The following KCNC2 variants were observed in gnomAD, a reference collection of about 807,000 sequenced individuals.
KCNC2 encodes voltage-gated potassium channel KCNC2.
In KCNC2, 21 loss-of-function variants were observed where a neutral mutation model predicts 44.5. That is an observed-to-expected ratio of 0.47 (90% CI 0.33 to 0.68). The LOEUF (loss-of-function observed/expected upper bound fraction) is 0.68, where lower values mean the gene tolerates loss of function less well. Among genes scored for constraint, KCNC2 ranks in the 30% least tolerant of loss-of-function variants. KCNC2 has a pLI of 0.01. For missense variants in KCNC2, 589 were observed against 826.2 expected, an observed-to-expected ratio of 0.71 and a Z score of 3.52; for synonymous variants, 391 against 339.1, an observed-to-expected ratio of 1.15 and a Z score of -1.68.
At chr12:75,144,358 G>C (rs1409242869) in intron 2 of KCNC2, among the ~76,000 whole-genome samples, 4 of 152,168 alleles carry the variant, frequency 2.6e-5, no homozygotes, top group African/African-American at 9.6e-5. Flanking sequence ...CAGTGAATTA[G>C]TAGAGTGTTG....
chr12:75,085,528 G>A (rs1884924590), intron 2 of KCNC2, among the ~76,000 whole-genome samples: 1 of 152,010 alleles, frequency 6.6e-6, no homozygotes, highest in Non-Finnish European at 1.5e-5. Flanking sequence ...CATCACTTAA[G>A]TCTCCTACAA....
intron 2 of KCNC2, among the ~76,000 whole-genome samples, chr12:75,113,371 A>G (rs189805526): frequency 1.1e-4 from 16 of 152,322 alleles, no homozygotes; most frequent in South Asian, 4.1e-4. Context: ...ATTCACATAT[A>G]TCAGTCATTT....
intron 2 of KCNC2, among the ~76,000 whole-genome samples, chr12:75,185,858 C>T (rs1227463938): frequency 2.6e-5 from 4 of 151,874 alleles, no homozygotes; most frequent in African/African-American, 9.7e-5. Context: ...CTAGCCTGGT[C>T]AACATGGTGA....
chr12:75,140,712 A>G (rs1235169740), intron 2 of KCNC2, among the ~76,000 whole-genome samples: 1 of 152,064 alleles, frequency 6.6e-6, no homozygotes. Flanking sequence ...AAAAAAGAAA[A>G]AAAAAGTGAA....
intron 2 of KCNC2, among the ~76,000 whole-genome samples, chr12:75,123,265 A>G (rs966217044): frequency 5.3e-5 from 8 of 152,194 alleles, no homozygotes; most frequent in African/African-American, 1.7e-4. Flanking sequence ...AGACTCAGCT[A>G]GTTTAATTGG....
At chr12:75,098,253 T>C (rs1345005734) in intron 2 of KCNC2, among the ~76,000 whole-genome samples, 1 of 152,184 alleles carries the variant, frequency 6.6e-6, no homozygotes, top group Non-Finnish European at 1.5e-5. Context: ...ACAAGAAGCA[T>C]GAACAGCCCT....
chr12:75,126,668 G>A (rs2137315227), intron 2 of KCNC2, among the ~76,000 whole-genome samples: 1 of 152,234 alleles, frequency 6.6e-6, no homozygotes, highest in South Asian at 2.1e-4. Context: ...CTGGCACAAA[G>A]ATGAGTCTGA....
chr12:75,153,789 A>G (rs1158789323), intron 2 of KCNC2, among the ~76,000 whole-genome samples: 2 of 151,938 alleles, frequency 1.3e-5, no homozygotes, highest in Non-Finnish European at 2.9e-5. Context: ...AAAAACGTGA[A>G]GGAGAGAAAA....
intron 2 of KCNC2, among the ~76,000 whole-genome samples, chr12:75,080,283 A>G (rs545661959): frequency 9.9e-4 from 30 of 30,414 alleles, no homozygotes; most frequent in African/African-American, 3.0e-3. Context: ...CTCTCTTTGT[A>G]GCATTTTTAC....
intron 2 of KCNC2, among the ~76,000 whole-genome samples, chr12:75,157,386 T>C (rs1890834358): frequency 6.6e-6 from 1 of 151,876 alleles, no homozygotes; most frequent in African/African-American, 2.4e-5. Flanking sequence ...TTGACATCCT[T>C]GAGCTGCTGA....
chr12:75,083,047 T>C (rs984269612), intron 2 of KCNC2, among the ~76,000 whole-genome samples: 1 of 151,644 alleles, frequency 6.6e-6, no homozygotes, highest in Non-Finnish European at 1.5e-5. Context: ...GATATAAATA[T>C]GAATATATAT....
At chr12:75,175,319 G>C (rs1410116194) in intron 2 of KCNC2, among the ~76,000 whole-genome samples, 1 of 151,962 alleles carries the variant, frequency 6.6e-6, no homozygotes, top group Non-Finnish European at 1.5e-5. Context: ...GTAGAAAGTG[G>C]TTAAATGTGT....
intron 2 of KCNC2, among the ~76,000 whole-genome samples, chr12:75,184,113 A>G (rs1261367729): frequency 1.3e-5 from 2 of 152,002 alleles, no homozygotes; most frequent in Admixed American, 1.3e-4. Flanking sequence ...TTCTCTTTCC[A>G]TGTCTCCTGT....
intron 2 of KCNC2, among the ~76,000 whole-genome samples, chr12:75,053,152 A>C (rs139786998): frequency 6.6e-6 from 1 of 152,242 alleles, no homozygotes; most frequent in Non-Finnish European, 1.5e-5. Context: ...CTATTCATAA[A>C]TTACTTCTTA....
chr12:75,124,597 G>C (rs2137303302), intron 2 of KCNC2, among the ~76,000 whole-genome samples: 1 of 152,186 alleles, frequency 6.6e-6, no homozygotes, highest in East Asian at 1.9e-4. Context: ...ATTAAAGAAG[G>C]ATTAAGATAT....
rs553138463 is a variant in KCNC2 at position 75,043,860 on chromosome 12, T to C, written c.1781-619A>G. On this transcript the variant is annotated intron_variant, in intron 4 of 4. Transcript: ENST00000549446. ...AAAAAAAAAGAAAATGAATGAAATA[T>C]AAATTAAGTCATAATTTCAGTGAAA... 2.6e-4 allele frequency: 290 copies of C among 1,111,810 alleles called. 5 individuals carry two copies. The South Asian group carries it at 3.7e-3, about 14-fold the overall frequency. 68.9% of individuals were successfully genotyped at this position (1,111,810 alleles called of 1,614,324 possible).
At chr12:75,100,519 A>T (rs1886288674) in intron 2 of KCNC2, among the ~76,000 whole-genome samples, 1 of 151,610 alleles carries the variant, frequency 6.6e-6, no homozygotes, top group Admixed American at 6.6e-5. Context: ...TTGAATTTAA[A>T]TTATATCATT....
intron 2 of KCNC2, among the ~76,000 whole-genome samples, chr12:75,134,248 A>C (rs901382666): frequency 6.6e-6 from 1 of 151,976 alleles, no homozygotes; most frequent in Admixed American, 6.6e-5. Flanking sequence ...AAATTAAAGC[A>C]TAGTGAACTG....
chr12:75,158,144 A>T (rs919384389), intron 2 of KCNC2, among the ~76,000 whole-genome samples: 4 of 151,744 alleles, frequency 2.6e-5, no homozygotes, highest in African/African-American at 9.7e-5. Context: ...AAATTCTATC[A>T]CTCTTTTAGT....
Sources: gnomAD v4.1 joint callset for allele counts (sites outside exome capture counted in the v4.1 genomes callset) on GRCh38, gnomAD v4.1.1 for gene constraint, MANE v1.5 for transcripts, NCBI Gene and HGNC (gene_info 2026-07-23, HGNC 2026-07-21) for gene names.